TMEM150C: variants seen among roughly 807,000 people sequenced by gnomAD.
TMEM150C encodes tentonin 3.
Under a neutral mutation model 29.9 loss-of-function variants are expected in TMEM150C, and 10 were observed. The ratio of observed to expected loss-of-function variants is 0.33; its 90% CI spans 0.21 to 0.57. The LOEUF (loss-of-function observed/expected upper bound fraction) is 0.57, where lower values mean the gene tolerates loss of function less well. TMEM150C is among the 20% of genes least tolerant of loss of function. The probability of loss-of-function intolerance (pLI) is 0.88; values close to 1 mark genes in which losing one functional copy is unlikely to be tolerated. For synonymous variants in TMEM150C, 101 were observed against 112.5 expected (o/e 0.90, Z 0.64); for missense variants, 251 against 303.6 (o/e 0.83, Z 1.29).
At chr4:82,560,740 C>T (rs1053253051) in intron 1 of TMEM150C, among the ~76,000 whole-genome samples, 1 of 152,170 alleles carries the variant, frequency 6.6e-6, no homozygotes, top group African/African-American at 2.4e-5. Context: ...TGAACTGCTG[C>T]CCAGAATGGA....
At chr4:82,515,544 C>A (rs533369164) in intron 1 of TMEM150C, among the ~76,000 whole-genome samples, 1 of 152,022 alleles carries the variant, frequency 6.6e-6, no homozygotes, top group African/African-American at 2.4e-5. Flanking sequence ...GGAGACCAGC[C>A]TGGCTAACAT....
At chr4:82,533,061 C>A (rs1408116014) in intron 1 of TMEM150C, among the ~76,000 whole-genome samples, 1 of 152,160 alleles carries the variant, frequency 6.6e-6, no homozygotes, top group East Asian at 1.9e-4. Context: ...TTCTTTCTCC[C>A]ACACTGCCAC....
intron 1 of TMEM150C, among the ~76,000 whole-genome samples, chr4:82,545,524 G>T (rs1367491574): frequency 6.6e-6 from 1 of 152,170 alleles, no homozygotes; most frequent in African/African-American, 2.4e-5. Flanking sequence ...ATTTGACATA[G>T]TACTGGAAAT....
intron 1 of TMEM150C, among the ~76,000 whole-genome samples, chr4:82,514,510 G>C (rs973547904): frequency 6.6e-6 from 1 of 152,072 alleles, no homozygotes; most frequent in African/African-American, 2.4e-5. Context: ...ATGGGGCTTT[G>C]GTTTGTCTCC....
chr4:82,549,339 G>A (rs557892730), intron 1 of TMEM150C, among the ~76,000 whole-genome samples: 9 of 152,166 alleles, frequency 5.9e-5, no homozygotes, highest in Non-Finnish European at 1.0e-4. Flanking sequence ...AGGACATTAC[G>A]CTAGGTGAAA....
At chr4:82,529,608 G>T (rs891574311) in intron 1 of TMEM150C, among the ~76,000 whole-genome samples, 17 of 152,116 alleles carry the variant, frequency 1.1e-4, no homozygotes, top group Admixed American at 7.9e-4. Context: ...TGTTATGAAG[G>T]TCAAGGAGTG....
intron 1 of TMEM150C, among the ~76,000 whole-genome samples, chr4:82,556,472 A>G (rs1361825016): frequency 1.3e-5 from 2 of 152,336 alleles, no homozygotes; most frequent in East Asian, 1.9e-4. Context: ...GACCCAAGAC[A>G]TGTAATTTGA....
intron 1 of TMEM150C, among the ~76,000 whole-genome samples, chr4:82,561,492 G>A (rs1383076242): frequency 2.0e-5 from 3 of 152,092 alleles, no homozygotes; most frequent in Admixed American, 6.5e-5. Flanking sequence ...CTTCTCACCC[G>A]AGTCCACCCG....
intron 1 of TMEM150C, among the ~76,000 whole-genome samples, chr4:82,504,895 T>C (rs1192263108): frequency 6.6e-6 from 1 of 152,108 alleles, no homozygotes; most frequent in East Asian, 1.9e-4. Flanking sequence ...CCGGGCGTGG[T>C]GGCGGGCGCC....
chr4:82,556,586 G>A (rs1267447847), intron 1 of TMEM150C, among the ~76,000 whole-genome samples: 1 of 152,106 alleles, frequency 6.6e-6, no homozygotes, highest in Non-Finnish European at 1.5e-5. Flanking sequence ...GGCTGAGGTG[G>A]GCGGATCCCT....
rs373179433 is a variant in TMEM150C, at chr4:82,547,363, C to T, written c.-11+14543G>A. On this transcript the variant is annotated intron_variant, in intron 1 of 7. Transcript: ENST00000449862. ...CAGCACTTTGGGAGGACAAGGTGGGCGGATCATTTGAGGTCAGGAGTTCGA... is the reference window on the plus strand; with the variant it reads ...CAGCACTTTGGGAGGACAAGGTGGGTGGATCATTTGAGGTCAGGAGTTCGA... Among the ~76,000 whole-genome samples the T allele has an allele frequency of 1.5e-3, 221 of 151,304 alleles. 4 individuals are homozygous for T. The South Asian group carries it at 0.044, about 30-fold the overall frequency.
chr4:82,507,523 C>T (rs559603757), intron 1 of TMEM150C, among the ~76,000 whole-genome samples: 5 of 152,134 alleles, frequency 3.3e-5, no homozygotes, highest in East Asian at 1.9e-4. Flanking sequence ...CTAAAGAATT[C>T]GCAATAGAGA....
intron 1 of TMEM150C, among the ~76,000 whole-genome samples, chr4:82,534,492 G>C (rs1418789766): frequency 4.6e-5 from 7 of 152,110 alleles, no homozygotes; most frequent in Admixed American, 4.6e-4. Context: ...ACATATAAAG[G>C]GAAAACTTTG....
intron 1 of TMEM150C, among the ~76,000 whole-genome samples, chr4:82,552,179 C>T (rs1725603125): frequency 6.6e-6 from 1 of 152,198 alleles, no homozygotes; most frequent in Non-Finnish European, 1.5e-5. Flanking sequence ...CCATGCTTCT[C>T]GTACAGCCTG....
intron 1 of TMEM150C, among the ~76,000 whole-genome samples, chr4:82,519,635 C>T (rs1339984122): frequency 1.3e-5 from 2 of 152,090 alleles, no homozygotes; most frequent in Non-Finnish European, 2.9e-5. Context: ...CCATGTTGGC[C>T]AGGCTGGTCT....
At chr4:82,534,327 A>G (rs1724942397) in intron 1 of TMEM150C, among the ~76,000 whole-genome samples, 1 of 152,220 alleles carries the variant, frequency 6.6e-6, no homozygotes, top group Non-Finnish European at 1.5e-5. Flanking sequence ...CCTGCAAAAG[A>G]GTTAACTGAA....
At chr4:82,532,411 A>C (rs1316132219) in intron 1 of TMEM150C, among the ~76,000 whole-genome samples, 2 of 152,248 alleles carry the variant, frequency 1.3e-5, no homozygotes, top group African/African-American at 4.8e-5. Flanking sequence ...AGAAAGAAAC[A>C]TATAAGGAAA....
chr4:82,491,263 T>C (rs1723336802), intron 6 of TMEM150C: 1 of 680,654 alleles, frequency 1.5e-6, no homozygotes, highest in African/African-American at 1.8e-5. Context: ...CAGGCAGCTT[T>C]CTTCTCAGCC....
intron 1 of TMEM150C, among the ~76,000 whole-genome samples, chr4:82,534,904 T>C (rs1724959543): frequency 6.6e-6 from 1 of 152,144 alleles, no homozygotes; most frequent in African/African-American, 2.4e-5. Flanking sequence ...AGAAAGTATA[T>C]CATAAACTTT....
Sources: gnomAD v4.1 joint callset for allele counts (sites outside exome capture counted in the v4.1 genomes callset) on GRCh38, gnomAD v4.1.1 for gene constraint, MANE v1.5 for transcripts, NCBI Gene and HGNC (gene_info 2026-07-23, HGNC 2026-07-21) for gene names.